GRIPAP1: variants seen among roughly 807,000 people sequenced by gnomAD.
GRIPAP1 encodes the protein GRIP1-associated protein 1.
A neutral mutation model predicts 84.1 loss-of-function variants in GRIPAP1; 14 were observed. The observed-to-expected ratio is 0.17, with a 90% CI of 0.11 to 0.26. The LOEUF is 0.26. Ranked by LOEUF, GRIPAP1 falls within the 10% of genes least tolerant of loss-of-function variation. GRIPAP1 has a pLI of 1.00. For missense variants in GRIPAP1, 518 were observed against 674.2 expected (o/e 0.77, Z 2.57); for synonymous variants, 261 against 256.8 (o/e 1.02, Z -0.15).
chrX:48,997,753 T>G (rs1314104827), intron 4 of GRIPAP1, among the ~76,000 whole-genome samples: 3 of 72,600 alleles, frequency 4.1e-5, no homozygotes, highest in Non-Finnish European at 5.6e-5. Context: ...AGAGGAGGGG[T>G]CAGGAAAAGA....
At chrX:48,985,168 GGTCCTCCTGACTCCA>G (rs2064480387) in intron 14 of GRIPAP1, 85 bp downstream of exon 14, 2 of 702,580 alleles carry the variant, frequency 2.8e-6, no homozygotes, top group Admixed American at 5.3e-5. Flanking sequence ...CTGGAACCTA[GGTCCTCCTGACTCCA>G]GTCTTCCCAC....
chrX:48,975,785 G>A (rs1296573255), intron 24 of GRIPAP1: 5 of 411,688 alleles, frequency 1.2e-5, no homozygotes, highest in Admixed American at 4.6e-5. Flanking sequence ...AGGAGAAAGT[G>A]GACAGAGAGA....
intron 3 of GRIPAP1, among the ~76,000 whole-genome samples, chrX:48,998,616 T>C (rs922580112): frequency 8.9e-6 from 1 of 112,501 alleles, no homozygotes; most frequent in Non-Finnish European, 1.9e-5. Flanking sequence ...GCCAAGAGCA[T>C]TGCCAGCTTA....
At chrX:48,979,485 A>AG (rs2064442779) in intron 21 of GRIPAP1, among the ~76,000 whole-genome samples, 1 of 88,419 alleles carries the variant, frequency 1.1e-5, no homozygotes, top group African/African-American at 4.1e-5. Flanking sequence ...TAACAAAAAA[A>AG]AAAAAAAAAA....
At position 48,974,299 on chromosome X, in the gene GRIPAP1, G is replaced by T. The variant is rs193044582; in HGVS notation, c.2434-14C>A. On this transcript the variant is annotated splice_polypyrimidine_tract_variant and intron_variant, in intron 25 of 25. Coordinates refer to ENST00000376423, the MANE Select transcript of GRIPAP1 (RefSeq NM_020137.5). The stretch of plus-strand genomic sequence containing the variant: ...AACTTCCATATCCTAAGAAACAAAT[G>T]AACCATCAGGGGCCAGAGAAGGGGA... The T allele has an allele frequency of 8.9e-7, 1 of 1,119,791 alleles. No homozygotes were observed. Among genetic ancestry groups the T allele is most frequent in the Non-Finnish European group, 1.2e-6 (1 of 813,436 alleles). 92.3% of individuals were successfully genotyped at this position (1,119,791 alleles called of 1,213,427 possible).
In GRIPAP1 at chrX:48,974,210, G is replaced by T; in HGVS notation, c.2509C>A (p.Pro837Thr). ...CVGPPDPDLE[P>T]GETS The stretch of plus-strand genomic sequence containing the variant: ...GCAGGTCTTTAGCTGGTTTCTCCTG[G>T]CTCTAGGTCTGGGTCAGGAGGCCCC... The change falls in exon 26 of 26, where the codon CCA (proline) becomes ACA (threonine). Residue 837 changes from proline (P) to threonine (T), a missense_variant. This residue lies in a region of GRIPAP1 where 30 missense variants were observed against 23.8 expected (regional missense o/e 1.26). Transcript: ENST00000376423. 1 of 1,202,283 alleles carries T rather than the reference G, an allele frequency of 8.3e-7. No homozygotes were observed. The highest frequency in any genetic ancestry group is 1.1e-6 in the Non-Finnish European group (1 of 887,153).
intron 5 of GRIPAP1, among the ~76,000 whole-genome samples, chrX:48,995,887 G>A (rs1156300332): frequency 9.0e-6 from 1 of 111,314 alleles, no homozygotes; most frequent in African/African-American, 3.3e-5. Context: ...GAGCCACCAC[G>A]CCCGGCCATA....
At chrX:48,993,298 G>A (rs2064529955) in intron 6 of GRIPAP1, 130 bp downstream of exon 6, 4 of 538,838 alleles carry the variant, frequency 7.4e-6, no homozygotes, top group Non-Finnish European at 8.3e-6. Context: ...GAAATGGCTT[G>A]TCCAAAGCCA....
At chrX:48,987,442 C>CTT (rs782089098) in intron 13 of GRIPAP1, among the ~76,000 whole-genome samples, 47 of 83,150 alleles carry the variant, frequency 5.7e-4, no homozygotes, top group East Asian at 7.0e-4. Flanking sequence ...CCACCACGCC[C>CTT]TTTTTTTTTT....
Position 48,978,193 on chromosome X carries a change from T to C in GRIPAP1, c.2061+112A>G, listed in dbSNP as rs2064432980. On this transcript the variant is annotated intron_variant, in intron 22 of 25. Coordinates refer to ENST00000376423, the MANE Select transcript of GRIPAP1 (RefSeq NM_020137.5). ...TTGGGGAAAAGTTGACAAGAAAATA[T>C]GTGTGCTGCGCCCAAAGTAGGAGAT... is the stretch of plus-strand genomic sequence containing the variant. 6 of 828,570 alleles carry C rather than the reference T, an allele frequency of 7.2e-6. No homozygotes were observed. The Admixed American group carries it at 1.9e-4, about 26-fold the overall frequency. The allele number at this position is 828,570 out of a possible 1,213,427, so 68.3% of individuals were successfully genotyped here.
intron 7 of GRIPAP1, 45 bp downstream of exon 7, chrX:48,990,881 C>A: frequency 9.4e-7 from 1 of 1,065,785 alleles, no homozygotes; most frequent in South Asian, 2.1e-5. Flanking sequence ...GGTAGAACAT[C>A]TGCCCTGCCT....
intron 5 of GRIPAP1, among the ~76,000 whole-genome samples, chrX:48,996,360 C>T (rs1557066746): frequency 8.9e-6 from 1 of 112,486 alleles, no homozygotes; most frequent in African/African-American, 3.2e-5. Flanking sequence ...AATCCCAACA[C>T]TTTGGGAGGC....
intron 8 of GRIPAP1, 37 bp from the exon 9 acceptor site, chrX:48,990,040 A>C: frequency 9.4e-7 from 1 of 1,065,419 alleles, no homozygotes; most frequent in Non-Finnish European, 1.3e-6. Flanking sequence ...TAACATTGAG[A>C]ATAATATAAA....
chrX:48,992,981 C>T (rs1208026067), intron 6 of GRIPAP1, among the ~76,000 whole-genome samples: 6 of 110,813 alleles, frequency 5.4e-5, no homozygotes, highest in South Asian at 3.9e-4. Context: ...CCACCGTGCC[C>T]GGCCAATTTT....
intron 22 of GRIPAP1, chrX:48,978,015 G>C (rs1557060935): frequency 4.3e-6 from 1 of 231,162 alleles, no homozygotes; most frequent in African/African-American, 2.8e-5. Context: ...TGGAAAAAGG[G>C]ACCTTCTCCT....
rs782338650 is a variant in GRIPAP1, at chrX:49,002,236, C to T, written c.-7G>A. ...CAGACAGAGCTTGCGCCATGTTCCT[C>T]CCCCCACCCCCCCGCCAGCTTTCTG... On this transcript the variant is annotated 5_prime_UTR_variant, in exon 1 of 26. Coordinates refer to ENST00000376423, the MANE Select transcript of GRIPAP1 (RefSeq NM_020137.5). 3 of 1,058,705 alleles carry T rather than the reference C, an allele frequency of 2.8e-6. No individual in the cohort carries two copies. The highest frequency in any genetic ancestry group is 3.9e-6 in the Non-Finnish European group (3 of 766,730). The allele number at this position is 1,058,705 out of a possible 1,213,427, so 87.2% of individuals were successfully genotyped here. A position where few individuals can be genotyped will look rare whatever the true frequency, so the allele number is the denominator to read the frequency against.
chrX:48,991,415 G>C (rs2064519777), intron 6 of GRIPAP1: 1 of 254,889 alleles, frequency 3.9e-6, no homozygotes, highest in Admixed American at 6.2e-5. Flanking sequence ...AAGTAGCTGG[G>C]ATCAGAGGTG....
intron 17 of GRIPAP1, among the ~76,000 whole-genome samples, chrX:48,982,531 A>G (rs1429228054): frequency 3.6e-5 from 4 of 112,049 alleles, no homozygotes; most frequent in Non-Finnish European, 7.5e-5. Context: ...GCCAGCCACC[A>G]TGCCCGGCTA....
At chrX:48,992,335 T>C (rs1557065795) in intron 6 of GRIPAP1, among the ~76,000 whole-genome samples, 1 of 112,050 alleles carries the variant, frequency 8.9e-6, no homozygotes, top group Non-Finnish European at 1.9e-5. Flanking sequence ...ACACACAAGT[T>C]CCTGCTATGT....
Sources: gnomAD v4.1 joint callset for allele counts (sites outside exome capture counted in the v4.1 genomes callset) on GRCh38, gnomAD v4.1.1 for gene constraint, gnomAD v4.1.1 regional missense constraint, MANE v1.5 for transcripts, NCBI Gene and HGNC (gene_info 2026-07-23, HGNC 2026-07-21) for gene names.